The following SF3B3 variants were observed in gnomAD, a reference collection of about 807,000 sequenced individuals.
SF3B3 encodes splicing factor 3b subunit 3, also known as SAP 130.
Under a neutral mutation model 139.2 loss-of-function variants are expected in SF3B3, and 33 were observed. The ratio of observed to expected loss-of-function variants is 0.24; its 90% confidence interval spans 0.18 to 0.32. The LOEUF is 0.32. SF3B3 is among the 10% of genes least tolerant of loss of function. SF3B3 has a pLI of 1.00. For synonymous variants in SF3B3, 596 were observed against 563.6 expected (o/e 1.06, Z -0.81); for missense variants, 818 against 1,509.4 (o/e 0.54, Z 7.59).
At chr16:70,563,830 TGGGTCC>T in intron 17 of SF3B3, 40 bp from the exon 18 acceptor site, 1 of 1,586,834 alleles carries the variant, frequency 6.3e-7, no homozygotes, top group Non-Finnish European at 8.6e-7. Context: ...CACCAGTTTC[TGGGTCC>T]GAGTGAGTAT....
At chr16:70,561,044 G>A (rs1368667386) in intron 16 of SF3B3, among the ~76,000 whole-genome samples, 1 of 151,462 alleles carries the variant, frequency 6.6e-6, no homozygotes, top group East Asian at 1.9e-4. Context: ...TTTTTGAGAT[G>A]GAGTCTCACT....
In SF3B3 at chr16:70,573,218, G is replaced by C. The variant is rs140101137; in HGVS notation, c.*1405G>C. The stretch of plus-strand genomic sequence containing the variant: ...AAATAACATGTTTTTTTCTCACTTA[G>C]CTCATGAATTTGCATAGTAGACAGT... On this transcript the variant is annotated 3_prime_UTR_variant, in exon 26 of 26. Coordinates refer to ENST00000302516, the MANE Select transcript of SF3B3 (RefSeq NM_012426.5). 1 of 152,188 alleles carries C rather than the reference G, an allele frequency of 6.6e-6. No individual in the cohort carries two copies. Among genetic ancestry groups the C allele is most frequent in the East Asian group, 1.9e-4 (1 of 5,190 alleles). The allele number at this position is 152,188 out of a possible 1,614,324, so 9.4% of individuals were successfully genotyped here.
chr16:70,528,498 A>G (rs1338614553), intron 2 of SF3B3, among the ~76,000 whole-genome samples: 1 of 122,004 alleles, frequency 8.2e-6, no homozygotes, highest in African/African-American at 3.1e-5. Context: ...TAGAGACGAT[A>G]TCTTGCTGCG....
chr16:70,558,492 A>G (rs946650148), intron 15 of SF3B3, among the ~76,000 whole-genome samples: 6 of 151,838 alleles, frequency 4.0e-5, no homozygotes, highest in South Asian at 2.1e-4. Flanking sequence ...TTGCTGAGCT[A>G]TTTCACCTTT....
chr16:70,570,055 A>G lies in SF3B3; in HGVS notation c.3314A>G (p.Gln1105Arg), dbSNP rs200714229. The G allele has an allele frequency of 1.2e-5, 20 of 1,614,160 alleles. No individual in the cohort carries two copies. Residue 1105 changes from glutamine (Q) to arginine (R), a missense_variant, in exon 24 of 26, where the codon CAG (glutamine) becomes CGG (arginine). By Grantham distance (43) the Gln-to-Arg change is conservative (BLOSUM62 1). This residue lies in a region of SF3B3 where 91 missense variants were observed against 171.8 expected (regional missense o/e 0.53). Coordinates refer to ENST00000302516, the MANE Select transcript of SF3B3 (RefSeq NM_012426.5). ...GTCGGGGAGACGGTGCTGTCCTTGC[A>G]GAAGACCACGCTGATCCCTGGAGGC... is the stretch of plus-strand genomic sequence containing the variant. ...YHVGETVLSLQKTTLIPGGSE... is the reference protein window; with the variant it reads ...YHVGETVLSLRKTTLIPGGSE...
In SF3B3 at chr16:70,526,629, G is replaced by A; in HGVS notation, c.-28G>A. On this transcript the variant is annotated 5_prime_UTR_variant, in exon 2 of 26. Coordinates refer to ENST00000302516, the MANE Select transcript of SF3B3 (RefSeq NM_012426.5). ...CTGTTGGTGTAACCAAGGCCTGGAG[G>A]TCTGGGTGGCTCAGGTTTCCTGCAG... 2 of 1,594,168 alleles carry A rather than the reference G, an allele frequency of 1.3e-6. No homozygotes were observed. The highest frequency in any genetic ancestry group is 1.7e-6 in the Non-Finnish European group (2 of 1,162,696).
At chr16:70,554,778 C>T (rs2050364065) in intron 12 of SF3B3, among the ~76,000 whole-genome samples, 181 bp downstream of exon 12, 1 of 152,192 alleles carries the variant, frequency 6.6e-6, no homozygotes, top group East Asian at 1.9e-4. Flanking sequence ...TGTTACAGAG[C>T]CACATCACTG....
chr16:70,556,840 A>G, intron 14 of SF3B3, 46 bp from the exon 15 acceptor site: 3 of 1,608,906 alleles, frequency 1.9e-6, no homozygotes, highest in South Asian at 1.1e-5. Flanking sequence ...TTTTTTTCCT[A>G]AAATTGTCAT....
intron 5 of SF3B3, among the ~76,000 whole-genome samples, chr16:70,533,325 A>G (rs541260299): frequency 4.5e-4 from 69 of 152,318 alleles, no homozygotes; most frequent in Non-Finnish European, 7.9e-4. Flanking sequence ...TCTTGTCTCA[A>G]TGAAAAAGTA....
At chr16:70,545,213 C>A (rs116690507) in intron 10 of SF3B3, among the ~76,000 whole-genome samples, 102 of 152,148 alleles carry the variant, frequency 6.7e-4, no homozygotes, top group Middle Eastern at 3.4e-3. Flanking sequence ...ACTGCAGGCA[C>A]GTGCCACAAC....
At chr16:70,564,916 T>C in intron 18 of SF3B3, 149 bp from the exon 19 acceptor site, 2 of 685,846 alleles carry the variant, frequency 2.9e-6, no homozygotes. Context: ...CTCCCTTTAA[T>C]AGTCATGTCG....
intron 17 of SF3B3, among the ~76,000 whole-genome samples, chr16:70,562,474 T>G (rs866324729): frequency 1.8e-4 from 27 of 152,326 alleles, no homozygotes; most frequent in South Asian, 6.2e-4. Context: ...TCATGGTCAT[T>G]GTCCTTTTTC....
In SF3B3 at chr16:70,575,866, T is replaced by C. The variant is rs1003465836; in HGVS notation, c.*4053T>C. The C allele has an allele frequency of 6.6e-6, 1 of 152,242 alleles. No individual in the cohort carries two copies. Among genetic ancestry groups the C allele is most frequent in the African/African-American group, 2.4e-5 (1 of 41,456 alleles). 9.4% of individuals were successfully genotyped at this position (152,242 alleles called of 1,614,324 possible). A position where few individuals can be genotyped will look rare whatever the true frequency, so the allele number is the denominator to read the frequency against. ...ATGGTAGGAAACCTGTAGTTGTGGC[T>C]CATAATCCTAGTGGGATATTAGAAC... On this transcript the variant is annotated 3_prime_UTR_variant, in exon 26 of 26. Coordinates refer to ENST00000302516, the MANE Select transcript of SF3B3 (RefSeq NM_012426.5).
At chr16:70,535,713 A>G (rs1281686408) in intron 6 of SF3B3, among the ~76,000 whole-genome samples, 3 of 151,686 alleles carry the variant, frequency 2.0e-5, no homozygotes, top group Non-Finnish European at 2.9e-5. Context: ...GAAACCAGGC[A>G]TATTTGTTAG....
At chr16:70,553,914 A>G (rs2050354775) in intron 11 of SF3B3, among the ~76,000 whole-genome samples, 1 of 152,206 alleles carries the variant, frequency 6.6e-6, no homozygotes, top group Non-Finnish European at 1.5e-5. Context: ...TTCTTACATC[A>G]TTCCCATTGG....
At position 70,569,078 on chromosome 16, in the gene SF3B3, T is replaced by G. The variant is rs2050504519; in HGVS notation, c.3201T>G (p.Asp1067Glu). 1.6e-5 allele frequency: 25 copies of G among 1,611,546 alleles called. No individual in the cohort carries two copies. Among genetic ancestry groups the G allele is most frequent in the Non-Finnish European group, 2.0e-5 (24 of 1,179,140 alleles). The change falls in exon 23 of 26, where the codon GAT (aspartate) becomes GAG (glutamate). Residue 1067 changes from aspartate to glutamate, a missense_variant. By Grantham distance (45) the Asp-to-Glu change is conservative. Coordinates refer to ENST00000302516, the MANE Select transcript of SF3B3 (RefSeq NM_012426.5). ...RLPPNTNDEVDEDPTGNKALW... is the reference protein window; with the variant it reads ...RLPPNTNDEVEEDPTGNKALW... ...CACCTAACACCAATGATGAAGTAGA[T>G]GAGGATCCTACAGGAAACAAAGCCC... is the stretch of plus-strand genomic sequence containing the variant.
At chr16:70,570,491 C>T (rs1311184546) in intron 24 of SF3B3, among the ~76,000 whole-genome samples, 1 of 151,954 alleles carries the variant, frequency 6.6e-6, no homozygotes, top group South Asian at 2.1e-4. Flanking sequence ...CCACCATGCC[C>T]GGCTAATTTT....
intron 4 of SF3B3, among the ~76,000 whole-genome samples, chr16:70,531,986 C>T (rs753228252): frequency 1.1e-4 from 16 of 152,304 alleles, no homozygotes; most frequent in Non-Finnish European, 2.2e-4. Flanking sequence ...GAATTCTAGG[C>T]TGCAGTGAGA....
At chr16:70,526,466 ATGT>A (rs2050065474) in intron 1 of SF3B3, 118 bp from the exon 2 acceptor site, 1 of 559,962 alleles carries the variant, frequency 1.8e-6, no homozygotes, top group Admixed American at 3.5e-5. Context: ...CCGGTCACAT[ATGT>A]TGTTTCTTAA....
Sources: allele counts gnomAD v4.1 joint callset (sites outside exome capture counted in the v4.1 genomes callset), GRCh38; gene constraint gnomAD v4.1.1; regional missense constraint gnomAD v4.1.1; transcripts MANE v1.5; gene names NCBI Gene and HGNC (gene_info 2026-07-23, HGNC 2026-07-21).